COL10A1: variants seen among roughly 807,000 people sequenced by gnomAD.
The protein encoded by COL10A1 is collagen alpha-1(X) chain.
A neutral mutation model predicts 18.2 loss-of-function variants in COL10A1; 10 were observed. The ratio of observed to expected loss-of-function variants is 0.55; its 90% CI spans 0.34 to 0.93. COL10A1 has a LOEUF of 0.93. COL10A1 is among the 40% of genes least tolerant of loss of function. The pLI is 0.02. For synonymous variants in COL10A1, 330 were observed against 316.6 expected (o/e 1.04, Z -0.45); for missense variants, 897 against 853.5 (o/e 1.05, Z -0.64).
chr6:116,162,867 C>T (rs1446676674), upstream of COL10A1, among the ~76,000 whole-genome samples: 1 of 152,000 alleles, frequency 6.6e-6, no homozygotes, highest in East Asian at 1.9e-4. Context: ...GCTCAGAGCG[C>T]CTGTAATCCC....
chr6:116,196,534 A>T, the COL10A1 span, among the ~76,000 whole-genome samples: 1 of 152,236 alleles, frequency 6.6e-6, no homozygotes, highest in African/African-American at 2.4e-5. Context: ...CAAAGAAATT[A>T]TATCAATTAG....
upstream of COL10A1, among the ~76,000 whole-genome samples, chr6:116,161,956 T>C (rs1323466827): frequency 1.3e-5 from 2 of 152,146 alleles, no homozygotes; most frequent in African/African-American, 4.8e-5. Flanking sequence ...TCCTAGATAG[T>C]TTATGTTTTT....
At chr6:116,135,381 T>C (rs1023948916) in intron 1 of COL10A1, among the ~76,000 whole-genome samples, 3 of 151,968 alleles carry the variant, frequency 2.0e-5, no homozygotes, top group Non-Finnish European at 4.4e-5. Context: ...GAAAATGATA[T>C]TTCATTTTTT....
chr6:116,175,609 G>A, the COL10A1 span, among the ~76,000 whole-genome samples: 9 of 151,938 alleles, frequency 5.9e-5, no homozygotes, highest in South Asian at 2.1e-4. Flanking sequence ...CTTCTCCCCC[G>A]ACACAGTTTT....
At chr6:116,156,637 CTT>C (rs1365292960) in intron 1 of COL10A1, among the ~76,000 whole-genome samples, 1 of 152,134 alleles carries the variant, frequency 6.6e-6, no homozygotes, top group African/African-American at 2.4e-5. Flanking sequence ...TGAAAGATGA[CTT>C]TGGTCATGTA....
At chr6:116,172,043 A>T in the COL10A1 span, among the ~76,000 whole-genome samples, 1 of 152,138 alleles carries the variant, frequency 6.6e-6, no homozygotes, top group East Asian at 1.9e-4. Context: ...TAGAGAAAAC[A>T]CTCTCACTTC....
chr6:116,160,010 C>A (rs372650991), upstream of COL10A1, among the ~76,000 whole-genome samples: 1 of 152,148 alleles, frequency 6.6e-6, no homozygotes, highest in East Asian at 1.9e-4. Flanking sequence ...TTATTCCAGT[C>A]AACTTTTGAT....
At chr6:116,134,197 G>T (rs753301671) in intron 1 of COL10A1, among the ~76,000 whole-genome samples, 1 of 152,190 alleles carries the variant, frequency 6.6e-6, no homozygotes. Context: ...TCTGATATTA[G>T]ACAGTCTTCT....
At chr6:116,169,597 C>T in the COL10A1 span, among the ~76,000 whole-genome samples, 617 of 152,300 alleles carry the variant, frequency 4.1e-3, 4 homozygotes, top group African/African-American at 0.014. Flanking sequence ...TGCATGAGCT[C>T]TTTAGGTATG....
chr6:116,206,309 A>G, the COL10A1 span, among the ~76,000 whole-genome samples: 3 of 152,008 alleles, frequency 2.0e-5, no homozygotes, highest in Admixed American at 6.6e-5. Flanking sequence ...GCATTGTGCT[A>G]AATGTTTCAC....
At chr6:116,215,012 C>T in the COL10A1 span, among the ~76,000 whole-genome samples, 1 of 152,054 alleles carries the variant, frequency 6.6e-6, no homozygotes. Flanking sequence ...TCATCATTCT[C>T]TGGACACACT....
At chr6:116,192,068 A>G in the COL10A1 span, among the ~76,000 whole-genome samples, 41 of 152,154 alleles carry the variant, frequency 2.7e-4, no homozygotes, top group African/African-American at 9.1e-4. Context: ...AAACTTGGTA[A>G]TCATTAATAT....
the COL10A1 span, among the ~76,000 whole-genome samples, chr6:116,195,770 A>G: frequency 6.6e-6 from 1 of 152,076 alleles, no homozygotes; most frequent in Non-Finnish European, 1.5e-5. Flanking sequence ...AGCAACTAGT[A>G]GCAATTAAGC....
rs1425697684 is a variant in COL10A1, at chr6:116,121,897, G to A, written c.219C>T (p.His73=). 6.2e-7 allele frequency: 1 copy of A among 1,613,812 alleles called. No homozygotes were observed. The highest frequency in any genetic ancestry group is 1.7e-5 in the Admixed American group (1 of 60,018). The change falls in exon 3 of 3, where the codon CAC becomes CAT. Residue 73 remains histidine (H), a synonymous_variant. Coordinates refer to ENST00000651968, the MANE Select transcript of COL10A1 (RefSeq NM_000493.4). ...TTCCTGGTGGTCCAGAAGGACCTGG[G>A]TGCCCTCGAGGTCCAGCAGGGCCTG... ...GPPGPAGPRG[H]PGPSGPPGKP...
chr6:116,145,772 TTTA>T (rs1398035065), intron 1 of COL10A1, among the ~76,000 whole-genome samples: 2 of 152,230 alleles, frequency 1.3e-5, no homozygotes, highest in Non-Finnish European at 2.9e-5. Flanking sequence ...CAATTCATTT[TTTA>T]TTTAGTTTTT....
chr6:116,171,618 G>A, the COL10A1 span, among the ~76,000 whole-genome samples: 7 of 152,290 alleles, frequency 4.6e-5, no homozygotes, highest in Admixed American at 3.3e-4. Flanking sequence ...GGAAGACAGT[G>A]TATTCTATAT....
At chr6:116,140,714 A>T (rs1472045250) in intron 1 of COL10A1, among the ~76,000 whole-genome samples, 1 of 152,126 alleles carries the variant, frequency 6.6e-6, no homozygotes, top group Non-Finnish European at 1.5e-5. Context: ...TTTTTAAATT[A>T]TATATTTAAA....
rs1454373659 is a variant in COL10A1, at chr6:116,119,125, A to G, written c.*948T>C. ...GCTTAAAAGTTTTAAACAGCAATAT[A>G]AAAATACAGTACAGTGCATAAATAA... On this transcript the variant is annotated 3_prime_UTR_variant, in exon 3 of 3. Coordinates refer to ENST00000651968, the MANE Select transcript of COL10A1 (RefSeq NM_000493.4). The G allele has an allele frequency of 6.5e-6, 1 of 152,692 alleles. No homozygotes were observed. The highest frequency in any genetic ancestry group is 1.5e-5 in the Non-Finnish European group (1 of 68,054). The allele number at this position is 152,692 out of a possible 1,614,324, so 9.5% of individuals were successfully genotyped here. A position where few individuals can be genotyped will look rare whatever the true frequency, so the allele number is the denominator to read the frequency against.
the COL10A1 span, among the ~76,000 whole-genome samples, chr6:116,215,840 A>G: frequency 6.6e-6 from 1 of 152,164 alleles, no homozygotes; most frequent in African/African-American, 2.4e-5. Context: ...GGACATTAAC[A>G]TCCAAAAATT....
Sources: allele counts gnomAD v4.1 joint callset (sites outside exome capture counted in the v4.1 genomes callset), GRCh38; gene constraint gnomAD v4.1.1; transcripts MANE v1.5; gene names NCBI Gene and HGNC (gene_info 2026-07-23, HGNC 2026-07-21).